Variants in ROR2 observed in about 807,000 individuals in gnomAD.
The protein encoded by ROR2 is ROR family WNT receptor 2.
In ROR2, 33 loss-of-function variants were observed where a neutral mutation model predicts 74.9. The observed-to-expected ratio is 0.44, with a 90% CI of 0.33 to 0.59. The LOEUF is 0.59. Ranked by LOEUF, ROR2 falls within the 20% of genes least tolerant of loss-of-function variation. The pLI is 0.02. For synonymous variants in ROR2, 586 were observed against 558.7 expected, an observed-to-expected ratio of 1.05 and a Z score of -0.69; for missense variants, 1,216 against 1,313.8, an observed-to-expected ratio of 0.93 and a Z score of 1.15.
chr9:91,821,598 G>C (rs1828142066), intron 1 of ROR2, among the ~76,000 whole-genome samples: 1 of 152,150 alleles, frequency 6.6e-6, no homozygotes, highest in South Asian at 2.1e-4. Flanking sequence ...TCACCTGTGA[G>C]TCACTTACTC....
At chr9:91,848,071 G>A (rs1003676025) in intron 1 of ROR2, among the ~76,000 whole-genome samples, 7 of 152,170 alleles carry the variant, frequency 4.6e-5, no homozygotes, top group South Asian at 2.1e-4. Flanking sequence ...AAGGATACTC[G>A]AGTCTTCTCT....
In ROR2 at chr9:91,950,096, ACCTCGTCGTCGT is replaced by A; in HGVS notation, c.-145_-134del. 4.4e-6 allele frequency: 2 copies of A among 450,234 alleles called. No individual in the cohort carries two copies. The highest frequency in any genetic ancestry group is 9.0e-5 in the South Asian group (2 of 22,290). The allele number at this position is 450,234 out of a possible 1,614,324, so 27.9% of individuals were successfully genotyped here. ...CTTCGCAAACGGGTCCACTTCGAGG[ACCTCGTCGTCGT>A]CCTCTTCTCCGGCCCGGATGCGCCG... On this transcript the variant is annotated 5_prime_UTR_variant, in exon 1 of 9. Coordinates refer to ENST00000375708, the MANE Select transcript of ROR2 (RefSeq NM_004560.4).
intron 1 of ROR2, among the ~76,000 whole-genome samples, chr9:91,870,825 C>T (rs1221093997): frequency 6.6e-6 from 1 of 152,190 alleles, no homozygotes; most frequent in African/African-American, 2.4e-5. Flanking sequence ...TTTTTATACA[C>T]CTGGCAAAAA....
At chr9:91,739,576 A>G (rs1181701721) in intron 4 of ROR2, among the ~76,000 whole-genome samples, 3 of 151,854 alleles carry the variant, frequency 2.0e-5, no homozygotes, top group South Asian at 2.1e-4. Flanking sequence ...TAAAATCCCT[A>G]TCTGAACTCT....
intron 7 of ROR2, among the ~76,000 whole-genome samples, chr9:91,730,334 A>G (rs1334334409): frequency 6.6e-6 from 1 of 152,182 alleles, no homozygotes; most frequent in Non-Finnish European, 1.5e-5. Context: ...GTGGGCCAAA[A>G]CGCAAACAAG....
rs367557519 is a variant in ROR2, at chr9:91,913,213, G to A, written c.97+36654C>T. On this transcript the variant is annotated intron_variant, in intron 1 of 8. Transcript: ENST00000375708. ...TGGTACTCTTTTTAAAAGAAAAATC[G>A]ACTATAGTTACTAAAATTGAAAATA... 1.2e-4 allele frequency among the ~76,000 whole-genome samples: 19 copies of A among 152,176 alleles called. No individual in the cohort carries two copies. The East Asian group carries it at 1.7e-3, about 14-fold the overall frequency.
chr9:91,792,109 A>C (rs1564279170), intron 1 of ROR2, among the ~76,000 whole-genome samples: 1 of 152,200 alleles, frequency 6.6e-6, no homozygotes, highest in Non-Finnish European at 1.5e-5. Context: ...AAAAATTTAC[A>C]GCTCTAAATT....
At chr9:91,819,085 A>G (rs1828044482) in intron 1 of ROR2, among the ~76,000 whole-genome samples, 1 of 152,114 alleles carries the variant, frequency 6.6e-6, no homozygotes, top group South Asian at 2.1e-4. Flanking sequence ...TGGTGGGTCT[A>G]GGGGAGGGAA....
At chr9:91,916,961 C>T (rs536670684) in intron 1 of ROR2, among the ~76,000 whole-genome samples, 189 of 152,226 alleles carry the variant, frequency 1.2e-3, no homozygotes, top group Admixed American at 2.7e-3. Context: ...CCCCCACAGA[C>T]GCTCTGCTTT....
chr9:91,742,987 C>CTGTA (rs1159945126), intron 4 of ROR2, among the ~76,000 whole-genome samples: 3 of 152,184 alleles, frequency 2.0e-5, no homozygotes, highest in Non-Finnish European at 4.4e-5. Context: ...CTGTACAAGT[C>CTGTA]TGTAGCCTAG....
At chr9:91,840,478 C>T (rs913913583) in intron 1 of ROR2, among the ~76,000 whole-genome samples, 15 of 152,226 alleles carry the variant, frequency 9.9e-5, no homozygotes, top group African/African-American at 3.6e-4. Flanking sequence ...ATCACTGAGA[C>T]AGGAGAGATG....
chr9:91,779,188 GGT>G (rs1554759627), intron 1 of ROR2, among the ~76,000 whole-genome samples: 3 of 152,058 alleles, frequency 2.0e-5, no homozygotes, highest in Non-Finnish European at 1.5e-5. Context: ...GGGGAAACTG[GGT>G]GTGGGGTGTG....
intron 1 of ROR2, among the ~76,000 whole-genome samples, chr9:91,880,165 A>T (rs1830068242): frequency 6.6e-6 from 1 of 152,010 alleles, no homozygotes; most frequent in Non-Finnish European, 1.5e-5. Context: ...TGTCCTTATA[A>T]GAAAAAAAAA....
chr9:91,780,387 G>A (rs10992098), intron 1 of ROR2, among the ~76,000 whole-genome samples: 39,020 of 116,714 alleles, frequency 0.33, 5,211 homozygotes, highest in African/African-American at 0.49. Flanking sequence ...AAAAAAAAAT[G>A]AAAGAAAGAA....
Position 91,733,119 on chromosome 9 carries a change from C to T in ROR2, c.937+3G>A, listed in dbSNP as rs1446469613. 1 of 1,589,426 alleles carries T rather than the reference C, an allele frequency of 6.3e-7. No homozygotes were observed. The highest frequency in any genetic ancestry group is 2.3e-5 in the East Asian group (1 of 43,984). ...GTCCCGCCCCGGGCCCTCGGGCACT[C>T]ACAGCGGCCCAGCCTCTCGGCTGGG... On this transcript the variant is annotated splice_donor_region_variant and intron_variant, in intron 6 of 8. Transcript: ENST00000375708. The surrounding 1 kb of genome is among the most constrained non-coding windows in gnomAD (Gnocchi z 5.7).
chr9:91,823,293 G>T (rs1828189540), intron 1 of ROR2, among the ~76,000 whole-genome samples: 1 of 151,998 alleles, frequency 6.6e-6, no homozygotes, highest in Admixed American at 6.6e-5. Context: ...TGGGGCAGGG[G>T]CATGTCATGA....
intron 1 of ROR2, among the ~76,000 whole-genome samples, chr9:91,865,684 A>G (rs916801732): frequency 9.9e-5 from 15 of 152,192 alleles, no homozygotes; most frequent in African/African-American, 3.4e-4. Context: ...ATACTACAAA[A>G]CTATGGATTA....
intron 1 of ROR2, among the ~76,000 whole-genome samples, chr9:91,854,613 A>C (rs1829218745): frequency 6.6e-6 from 1 of 152,222 alleles, no homozygotes; most frequent in Non-Finnish European, 1.5e-5. Flanking sequence ...TCCTCTTTTA[A>C]GGAGCCGAGG....
At chr9:91,852,287 G>C (rs550488785) in intron 1 of ROR2, among the ~76,000 whole-genome samples, 1 of 152,290 alleles carries the variant, frequency 6.6e-6, no homozygotes, top group South Asian at 2.1e-4. Context: ...CACAACTAAT[G>C]AGAGTTTTAT....
Sources: allele counts gnomAD v4.1 joint callset (sites outside exome capture counted in the v4.1 genomes callset), GRCh38; gene constraint gnomAD v4.1.1; non-coding constraint Gnocchi (gnomAD v3.1); transcripts MANE v1.5; gene names NCBI Gene and HGNC (gene_info 2026-07-23, HGNC 2026-07-21).